Variants in SNX29 observed in about 807,000 individuals in gnomAD.
The protein encoded by SNX29 is sorting nexin 29, also known as sorting nexin-29.
SNX29 carries 78 observed loss-of-function variants against 102.1 expected under a neutral mutation model. That is an observed-to-expected ratio of 0.76 (90% CI 0.64 to 0.92). The LOEUF is 0.92. Ranked by LOEUF, SNX29 falls within the 40% of genes least tolerant of loss-of-function variation. The probability of loss-of-function intolerance (pLI) is 0.00; values close to 1 mark genes in which losing one functional copy is unlikely to be tolerated. For missense variants in SNX29, 1,280 were observed against 1,061.7 expected, an observed-to-expected ratio of 1.21 and a Z score of -2.86; for synonymous variants, 580 against 414.5, an observed-to-expected ratio of 1.40 and a Z score of -4.85.
At chr16:12,554,396 T>C (rs1008762479) in intron 20 of SNX29, among the ~76,000 whole-genome samples, 1 of 152,100 alleles carries the variant, frequency 6.6e-6, no homozygotes, top group Non-Finnish European at 1.5e-5. Context: ...CGTGCATGGG[T>C]GTGCATCGTC....
At chr16:12,330,985 A>G (rs780751481) in intron 15 of SNX29, among the ~76,000 whole-genome samples, 13 of 152,220 alleles carry the variant, frequency 8.5e-5, no homozygotes, top group Non-Finnish European at 1.8e-4. Context: ...ACTGTTGTCC[A>G]CACACTGGGA....
At chr16:12,145,652 T>A (rs2055037920) in intron 13 of SNX29, among the ~76,000 whole-genome samples, 1 of 152,228 alleles carries the variant, frequency 6.6e-6, no homozygotes, top group African/African-American at 2.4e-5. Flanking sequence ...TTTATGCATA[T>A]ATGTATTTTA....
In SNX29 at chr16:12,487,005, C is replaced by T. The variant is rs2088276361; in HGVS notation, c.2178+9146C>T. ...GAGAGTCAAAGAAAAAGAAAAAGATCCTTAAGGCTGTACTATCTGTGTGGC... is the reference window on the plus strand; with the variant it reads ...GAGAGTCAAAGAAAAAGAAAAAGATTCTTAAGGCTGTACTATCTGTGTGGC... On this transcript the variant is annotated intron_variant, in intron 19 of 20. Transcript: ENST00000566228. 2.0e-5 allele frequency among the ~76,000 whole-genome samples: 3 copies of T among 152,270 alleles called. No homozygotes were observed. In the South Asian group the frequency reaches 6.2e-4, roughly 32 times the overall value.
intron 3 of SNX29, among the ~76,000 whole-genome samples, chr16:12,016,238 T>C (rs1323122965): frequency 6.6e-6 from 1 of 152,246 alleles, no homozygotes; most frequent in Non-Finnish European, 1.5e-5. Flanking sequence ...TGTGGAATAC[T>C]GACTTTGTTT....
intron 18 of SNX29, among the ~76,000 whole-genome samples, chr16:12,448,056 A>G (rs1033017981): frequency 3.3e-5 from 5 of 152,206 alleles, no homozygotes; most frequent in Non-Finnish European, 7.3e-5. Context: ...TTGTGGATGT[A>G]TGAGGCCTGT....
chr16:12,342,778 G>C (rs2081647975), intron 15 of SNX29, among the ~76,000 whole-genome samples: 1 of 152,184 alleles, frequency 6.6e-6, no homozygotes, highest in South Asian at 2.1e-4. Context: ...CAGAATCCTG[G>C]CCGTCCAGCT....
chr16:12,490,354 C>G (rs76553387), intron 19 of SNX29, among the ~76,000 whole-genome samples: 1 of 152,216 alleles, frequency 6.6e-6, no homozygotes, highest in East Asian at 1.9e-4. Flanking sequence ...TGTGAGCTTC[C>G]TCCATGTTGT....
chr16:12,239,319 G>A (rs867009904), intron 14 of SNX29, among the ~76,000 whole-genome samples: 16 of 152,054 alleles, frequency 1.1e-4, no homozygotes, highest in African/African-American at 3.4e-4. Flanking sequence ...TGGAGCCCAC[G>A]TCTCTAGCAC....
chr16:12,451,725 A>G (rs752889710), intron 18 of SNX29, among the ~76,000 whole-genome samples: 6 of 152,290 alleles, frequency 3.9e-5, no homozygotes, highest in South Asian at 2.1e-4. Flanking sequence ...TTAGCCGGGC[A>G]TGGTGATGCA....
intron 9 of SNX29, among the ~76,000 whole-genome samples, chr16:12,068,549 TA>T (rs933142356): frequency 2.6e-5 from 4 of 151,078 alleles, no homozygotes; most frequent in African/African-American, 7.3e-5. Flanking sequence ...ATAGGGCTTT[TA>T]AAAAAAAATT....
chr16:12,542,542 G>A (rs982240982), intron 20 of SNX29, among the ~76,000 whole-genome samples: 1 of 152,192 alleles, frequency 6.6e-6, no homozygotes, highest in African/African-American at 2.4e-5. Context: ...ACGTTGGCCA[G>A]GCTGATCTTG....
In SNX29 at chr16:12,186,724, T is replaced by TC. The variant is rs531344176; in HGVS notation, c.1596-12876dup. Among the ~76,000 whole-genome samples, 338 of 152,342 alleles carry TC rather than the reference T, an allele frequency of 2.2e-3. 1 individual carries two copies. The highest frequency in any genetic ancestry group is 3.8e-3 in the Non-Finnish European group (260 of 68,038). ...GTCTTTCATGACCTTGACTTTTTTT[T>TC]CTGGGTCCCTCTTCTGGCCAGTTGC... On this transcript the variant is annotated intron_variant, in intron 13 of 20. Transcript: ENST00000566228.
intron 20 of SNX29, chr16:12,546,778 A>AATT (rs66463530): frequency 5.4e-5 from 2 of 37,280 alleles, no homozygotes; most frequent in African/African-American, 2.6e-4. Flanking sequence ...TCCATGCAAC[A>AATT]AAGGAAATTT....
At chr16:12,018,515 G>A (rs1237743169) in intron 3 of SNX29, among the ~76,000 whole-genome samples, 3 of 151,122 alleles carry the variant, frequency 2.0e-5, no homozygotes, top group South Asian at 2.1e-4. Context: ...CCTGGGAGGC[G>A]CAGGTTGCAG....
chr16:12,528,246 C>G (rs1026102812), intron 20 of SNX29, among the ~76,000 whole-genome samples: 1 of 152,202 alleles, frequency 6.6e-6, no homozygotes, highest in Admixed American at 6.5e-5. Context: ...GTTGCACAGG[C>G]TGGAGTGCAG....
chr16:12,512,907 C>G (rs533887732), intron 19 of SNX29, among the ~76,000 whole-genome samples: 2 of 152,104 alleles, frequency 1.3e-5, no homozygotes, highest in Non-Finnish European at 2.9e-5. Context: ...CTTCCCAGTC[C>G]GTCACCAAAG....
chr16:12,493,988 C>T (rs886568190), intron 19 of SNX29, among the ~76,000 whole-genome samples: 6 of 152,162 alleles, frequency 3.9e-5, no homozygotes, highest in Non-Finnish European at 7.3e-5. Flanking sequence ...CCCTTTCTTG[C>T]CTTTGTGTGT....
At chr16:12,215,313 G>GAAA (rs59097054) in intron 14 of SNX29, among the ~76,000 whole-genome samples, 2 of 137,232 alleles carry the variant, frequency 1.5e-5, no homozygotes, top group Admixed American at 7.3e-5. Flanking sequence ...AATCTCTACA[G>GAAA]AAAAAAAAAA....
At position 12,568,788 on chromosome 16, in the gene SNX29, A is replaced by C; in HGVS notation, c.*159A>C. 5.2e-6 allele frequency: 6 copies of C among 1,155,462 alleles called. No individual in the cohort carries two copies. The highest frequency in any genetic ancestry group is 7.1e-6 in the Non-Finnish European group (6 of 840,550). The allele number at this position is 1,155,462 out of a possible 1,614,324, so 71.6% of individuals were successfully genotyped here. A position where few individuals can be genotyped will look rare whatever the true frequency, so the allele number is the denominator to read the frequency against. ...GTTACACAACACCCCGATTAAACTA[A>C]TCAGTCTTCGAGCCGCATGATACCG... On this transcript the variant is annotated 3_prime_UTR_variant, in exon 21 of 21. Transcript: ENST00000566228.
Sources: gnomAD v4.1 joint callset for allele counts (sites outside exome capture counted in the v4.1 genomes callset) on GRCh38, gnomAD v4.1.1 for gene constraint, MANE v1.5 for transcripts, NCBI Gene and HGNC (gene_info 2026-07-23, HGNC 2026-07-21) for gene names.